The following KCNIP2 variants were observed in gnomAD, a reference collection of about 807,000 sequenced individuals.
The protein encoded by KCNIP2 is potassium voltage-gated channel interacting protein 2, also known as A-type potassium channel modulatory protein KCNIP2.
A neutral mutation model predicts 39.0 loss-of-function variants in KCNIP2; 19 were observed. That is an observed-to-expected ratio of 0.49 (90% CI 0.34 to 0.71). The LOEUF (loss-of-function observed/expected upper bound fraction) is 0.71. Among genes scored for constraint, KCNIP2 ranks in the 30% least tolerant of loss-of-function variants. The probability of loss-of-function intolerance (pLI) is 0.01; values close to 1 mark genes in which losing one functional copy is unlikely to be tolerated. For missense variants in KCNIP2, 261 were observed against 346.0 expected (o/e 0.75, Z 1.95); for synonymous variants, 111 against 131.2 (o/e 0.85, Z 1.05).
chr10:101,836,274 CTTTTTTTT>C (rs976487755), intron 1 of KCNIP2, among the ~76,000 whole-genome samples: 4 of 124,660 alleles, frequency 3.2e-5, no homozygotes, highest in Middle Eastern at 4.1e-3. Context: ...TTTTTTTTCT[CTTTTTTTT>C]TTTTTTTTTT....
In KCNIP2 at chr10:101,840,060, G is replaced by C. The variant is rs1019729813; in HGVS notation, c.73+3436C>G. Among the ~76,000 whole-genome samples the C allele has an allele frequency of 6.7e-5, 10 of 149,126 alleles. 1 individual carries two copies. Among genetic ancestry groups the C allele is most frequent in the Non-Finnish European group, 1.2e-4 (8 of 66,426 alleles). On this transcript the variant is annotated intron_variant, in intron 1 of 9. Transcript: ENST00000356640. ...AGCCGCCCCCAAAGTTCCTGGACGG[G>C]GGGGGGGGGTGGCGGGGAGGGGCGG...
intron 1 of KCNIP2, among the ~76,000 whole-genome samples, chr10:101,840,057 CGGGG>C (rs71016350): frequency 1.1e-5 from 1 of 90,400 alleles, no homozygotes; most frequent in Non-Finnish European, 2.2e-5. Context: ...AGTTCCTGGA[CGGGG>C]GGGGGGGGTG....
rs1349972771 is a variant in KCNIP2 at position 101,829,062 on chromosome 10, G to T, written c.348+13C>A. ...TCCCACCCTCGCTGAGTTTGGCCTCGCCTTGCACTCACGTTCTTGAAGCCC... is the reference window on the plus strand; with the variant it reads ...TCCCACCCTCGCTGAGTTTGGCCTCTCCTTGCACTCACGTTCTTGAAGCCC... On this transcript the variant is annotated intron_variant, in intron 4 of 9. Coordinates refer to ENST00000356640, the MANE Select transcript of KCNIP2 (RefSeq NM_173191.3). 1 of 1,612,044 alleles carries T rather than the reference G, an allele frequency of 6.2e-7. No homozygotes were observed. Among genetic ancestry groups the T allele is most frequent in the Non-Finnish European group, 8.5e-7 (1 of 1,178,844 alleles).
chr10:101,827,591 G>T, intron 9 of KCNIP2, 98 bp downstream of exon 9: 1 of 1,386,730 alleles, frequency 7.2e-7, no homozygotes, highest in Non-Finnish European at 1.0e-6. Flanking sequence ...ATGGGGGTGA[G>T]GTGGGAAGGT....
chr10:101,831,274 G>T, intron 1 of KCNIP2, 107 bp from the exon 2 acceptor site: 1 of 871,072 alleles, frequency 1.1e-6, no homozygotes, highest in East Asian at 2.7e-5. Flanking sequence ...GACCGGGCTG[G>T]GGGAGGAATT....
intron 1 of KCNIP2, chr10:101,839,957 T>C: frequency 5.3e-6 from 5 of 938,910 alleles, no homozygotes; most frequent in South Asian, 3.4e-5. Context: ...CCGGCAGGCA[T>C]AGGATCGAAA....
intron 2 of KCNIP2, among the ~76,000 whole-genome samples, chr10:101,830,681 C>CCA (rs61337190): frequency 0.057 from 8,306 of 145,172 alleles, 269 homozygotes; most frequent in Admixed American, 0.068. Context: ...CTGGTCACGC[C>CCA]CACACACACA....
At chr10:101,829,020 C>A (rs577051696) in intron 4 of KCNIP2, 55 bp downstream of exon 4, 2 of 1,586,584 alleles carry the variant, frequency 1.3e-6, no homozygotes, top group East Asian at 2.2e-5. Flanking sequence ...AGCTGTGGAC[C>A]GGCTTGGGTC....
At chr10:101,830,250 A>G (rs1049118123) in intron 2 of KCNIP2, among the ~76,000 whole-genome samples, 5 of 152,190 alleles carry the variant, frequency 3.3e-5, no homozygotes, top group Non-Finnish European at 7.3e-5. Flanking sequence ...TCAACTGGAG[A>G]TCACTCAGCA....
chr10:101,828,224 C>A lies in KCNIP2; in HGVS notation c.524G>T (p.Gly175Val), dbSNP rs759788279. The A allele has an allele frequency of 1.2e-6, 2 of 1,614,106 alleles. No homozygotes were observed. The highest frequency in any genetic ancestry group is 1.7e-6 in the Non-Finnish European group (2 of 1,180,020). ...CCAATTAAGCCTGTCATCTACAGTT[C>A]CCCGAAGAATCACGGACAAACCAGC... ...FVAGLSVILR[G>V]TVDDRLNWAF... Residue 175 changes from glycine (G) to valine (V), a missense_variant, in exon 7 of 10, where the codon GGA (glycine) becomes GTA (valine). Coordinates refer to ENST00000356640, the MANE Select transcript of KCNIP2 (RefSeq NM_173191.3). The surrounding 1 kb of genome is among the most constrained non-coding windows in gnomAD (Gnocchi z 6.6).
In KCNIP2 at chr10:101,836,968, AAAT is replaced by A. The variant is rs978330251; in HGVS notation, c.74-5804_74-5802del. ...AGAGCGAGACTCTGTCTCAAAAAAAAAATAATAATAATTAGCCTGGCGTGGTGG... is the reference window on the plus strand; with the variant it reads ...AGAGCGAGACTCTGTCTCAAAAAAAAAATAATAATTAGCCTGGCGTGGTGG... On this transcript the variant is annotated intron_variant, in intron 1 of 9. Coordinates refer to ENST00000356640, the MANE Select transcript of KCNIP2 (RefSeq NM_173191.3). Among the ~76,000 whole-genome samples, 9 of 152,102 alleles carry A rather than the reference AAAT, an allele frequency of 5.9e-5. 1 individual carries two copies. The highest frequency in any genetic ancestry group is 1.3e-4 in the Non-Finnish European group (9 of 68,014).
chr10:101,829,209 C>CG lies in KCNIP2; in HGVS notation c.224-11dup. On this transcript the variant is annotated splice_polypyrimidine_tract_variant and intron_variant, in intron 3 of 9. Transcript: ENST00000356640. The stretch of plus-strand genomic sequence containing the variant: ...TCATCGTCCACGCTGTCTGCGGGAG[C>CG]GGTGAGGACAGCCGCGCCTCAGGCC... 2 of 1,608,576 alleles carry CG rather than the reference C, an allele frequency of 1.2e-6. No individual in the cohort carries two copies. Among genetic ancestry groups the CG allele is most frequent in the Non-Finnish European group, 8.5e-7 (1 of 1,177,038 alleles).
Position 101,827,871 on chromosome 10 carries a change from C to A in KCNIP2, c.702+18G>T. 6.3e-7 allele frequency: 1 copy of A among 1,599,352 alleles called. No individual in the cohort carries two copies. The highest frequency in any genetic ancestry group is 1.1e-5 in the South Asian group (1 of 90,814). On this transcript the variant is annotated intron_variant, in intron 8 of 9. Transcript: ENST00000356640. ...TCCCTTCACTCCAGGGCCCTCCAGC[C>A]TACCCACTCCCAAGTACCTGGAAGA...
intron 1 of KCNIP2, among the ~76,000 whole-genome samples, chr10:101,842,906 G>A (rs1028810955): frequency 2.0e-5 from 3 of 152,168 alleles, no homozygotes; most frequent in African/African-American, 7.2e-5. Flanking sequence ...TGCCCAGAGG[G>A]CTTATGGTCA....
rs1372744544 is a variant in KCNIP2, at chr10:101,828,901, C to T, written c.348+174G>A. The T allele has an allele frequency of 2.0e-6, 3 of 1,526,580 alleles. No homozygotes were observed. Among genetic ancestry groups the T allele is most frequent in the African/African-American group, 1.4e-5 (1 of 72,714 alleles). The allele number at this position is 1,526,580 out of a possible 1,614,324, so 94.6% of individuals were successfully genotyped here. A position where few individuals can be genotyped will look rare whatever the true frequency, so the allele number is the denominator to read the frequency against. Reference sequence around the variant, plus strand: ...TGGAACGAAACTGACAGTCTACAGGCGCCACTTCCGTTCTGGCCCCGCCCC... The same window carrying T: ...TGGAACGAAACTGACAGTCTACAGGTGCCACTTCCGTTCTGGCCCCGCCCC... On this transcript the variant is annotated intron_variant, in intron 4 of 9. Coordinates refer to ENST00000356640, the MANE Select transcript of KCNIP2 (RefSeq NM_173191.3). This position sits in a 1 kb window ranked among gnomAD's most constrained non-coding sequence, Gnocchi z 6.6.
At position 101,838,199 on chromosome 10, in the gene KCNIP2, C is replaced by G. The variant is rs1003647378; in HGVS notation, c.73+5297G>C. Among the ~76,000 whole-genome samples the G allele has an allele frequency of 2.0e-5, 3 of 152,242 alleles. No individual in the cohort carries two copies. Among genetic ancestry groups the G allele is most frequent in the African/African-American group, 7.2e-5 (3 of 41,460 alleles). The stretch of plus-strand genomic sequence containing the variant: ...TGTGCCACGAATTTAGCTCTTCACT[C>G]AAAGTAAAATCTCTGTGGAAGCAAT... On this transcript the variant is annotated intron_variant, in intron 1 of 9. Coordinates refer to ENST00000356640, the MANE Select transcript of KCNIP2 (RefSeq NM_173191.3). This position sits in a 1 kb window ranked among gnomAD's most constrained non-coding sequence, Gnocchi z 4.0.
chr10:101,838,417 C>T lies in KCNIP2; in HGVS notation c.73+5079G>A, dbSNP rs1247118410. 6.7e-6 allele frequency among the ~76,000 whole-genome samples: 1 copy of T among 150,372 alleles called. No homozygotes were observed. The highest frequency in any genetic ancestry group is 1.5e-5 in the Non-Finnish European group (1 of 67,484). ...CCCACCTTCCCCAGTTTAGCTTTGT[C>T]CCACCCCCCACCGCCACTGTTAACC... On this transcript the variant is annotated intron_variant, in intron 1 of 9. Coordinates refer to ENST00000356640, the MANE Select transcript of KCNIP2 (RefSeq NM_173191.3). This position sits in a 1 kb window ranked among gnomAD's most constrained non-coding sequence, Gnocchi z 4.0.
intron 2 of KCNIP2, chr10:101,830,415 G>A: frequency 7.7e-7 from 1 of 1,292,596 alleles, no homozygotes; most frequent in Non-Finnish European, 1.0e-6. Flanking sequence ...CGGAGTTGAA[G>A]ACACTAACCC....
At chr10:101,836,965 A>C (rs1357708190) in intron 1 of KCNIP2, among the ~76,000 whole-genome samples, 2 of 151,284 alleles carry the variant, frequency 1.3e-5, no homozygotes, top group East Asian at 3.9e-4. Flanking sequence ...TGTCTCAAAA[A>C]AAAAATAATA....
Sources: allele counts gnomAD v4.1 joint callset (sites outside exome capture counted in the v4.1 genomes callset), GRCh38; gene constraint gnomAD v4.1.1; non-coding constraint Gnocchi (gnomAD v3.1); transcripts MANE v1.5; gene names NCBI Gene and HGNC (gene_info 2026-07-23, HGNC 2026-07-21).